Variants in PACRG observed in about 807,000 individuals in gnomAD.
PACRG encodes parkin coregulated gene protein.
A neutral mutation model predicts 29.7 loss-of-function variants in PACRG; 29 were observed. The observed-to-expected ratio is 0.98, with a 90% CI of 0.73 to 1.33. PACRG has a LOEUF of 1.33. PACRG is among the 40% of genes most tolerant of loss of function. The probability of loss-of-function intolerance (pLI) is 0.00; values close to 1 mark genes in which losing one functional copy is unlikely to be tolerated. For synonymous variants in PACRG, 116 were observed against 118.7 expected (o/e 0.98, Z 0.15); for missense variants, 279 against 316.2 (o/e 0.88, Z 0.89).
rs1202989479 is a variant in PACRG at position 162,875,297 on chromosome 6, GCACACACAGACATGCACAGACATT to G, written c.291+61035_291+61058del. Among the ~76,000 whole-genome samples the G allele has an allele frequency of 8.2e-4, 107 of 130,878 alleles. 1 individual carries two copies. The highest frequency in any genetic ancestry group is 3.0e-3 in the African/African-American group (103 of 34,752). The allele number at this position is 130,878 out of a possible 152,430, so 85.9% of individuals were successfully genotyped here. ...TCCACACACATTCACACACACACAT[GCACACACAGACATGCACAGACATT>G]CACACACAGACATGCACACACAGTC... On this transcript the variant is annotated intron_variant, in intron 2 of 4. Coordinates refer to ENST00000366888, the MANE Select transcript of PACRG (RefSeq NM_001080379.2).
intron 4 of PACRG, among the ~76,000 whole-genome samples, chr6:163,176,898 G>A (rs2128350497): frequency 6.6e-6 from 1 of 152,334 alleles, no homozygotes; most frequent in African/African-American, 2.4e-5. Flanking sequence ...ACAAGCCCAG[G>A]AATCTGGGAC....
chr6:162,801,224 T>G (rs546689775), intron 1 of PACRG, among the ~76,000 whole-genome samples: 199 of 152,302 alleles, frequency 1.3e-3, no homozygotes, highest in African/African-American at 4.7e-3. Flanking sequence ...TTCTCCTGCC[T>G]CAGCCTCCCG....
chr6:163,172,180 A>C (rs919807307), intron 4 of PACRG, among the ~76,000 whole-genome samples: 4 of 152,216 alleles, frequency 2.6e-5, no homozygotes, highest in South Asian at 2.1e-4. Context: ...GTATATACTT[A>C]AAACCTGCAA....
intron 4 of PACRG, among the ~76,000 whole-genome samples, chr6:163,196,944 T>TAGAC (rs1780481875): frequency 6.7e-6 from 1 of 149,072 alleles, no homozygotes; most frequent in African/African-American, 2.5e-5. Flanking sequence ...GATAGATAGA[T>TAGAC]AGATAGATAG....
chr6:162,752,040 A>T (rs894865183), intron 1 of PACRG, among the ~76,000 whole-genome samples: 1 of 152,202 alleles, frequency 6.6e-6, no homozygotes, highest in African/African-American at 2.4e-5. Context: ...AAAAACATGA[A>T]GTATGGTAAA....
At chr6:163,294,609 C>A (rs1371492520) in intron 4 of PACRG, among the ~76,000 whole-genome samples, 1 of 152,150 alleles carries the variant, frequency 6.6e-6, no homozygotes, top group East Asian at 1.9e-4. Context: ...AATTTTCTGA[C>A]AGCCATATCC....
chr6:163,113,177 A>G (rs1815804626), intron 4 of PACRG, among the ~76,000 whole-genome samples: 1 of 152,234 alleles, frequency 6.6e-6, no homozygotes, highest in South Asian at 2.1e-4. Flanking sequence ...TAAAGATAAC[A>G]CAATAAATTA....
chr6:163,203,016 T>C (rs1179768520), intron 4 of PACRG, among the ~76,000 whole-genome samples: 2 of 152,128 alleles, frequency 1.3e-5, no homozygotes, highest in African/African-American at 4.8e-5. Flanking sequence ...TTCGGTTGCC[T>C]GCTTGCCACA....
intron 2 of PACRG, among the ~76,000 whole-genome samples, chr6:162,834,267 A>T (rs1040814943): frequency 6.6e-6 from 1 of 152,160 alleles, no homozygotes; most frequent in Non-Finnish European, 1.5e-5. Context: ...GTACTAAAAA[A>T]TTATCACAAC....
intron 2 of PACRG, among the ~76,000 whole-genome samples, chr6:162,930,781 A>G (rs9365507): frequency 0.56 from 84,267 of 151,542 alleles, 24,084 homozygotes; most frequent in South Asian, 0.74. Context: ...CAGTGTGTTG[A>G]AAGTTTTTAT....
chr6:163,103,038 G>A (rs1056130369), intron 4 of PACRG, among the ~76,000 whole-genome samples: 1 of 152,180 alleles, frequency 6.6e-6, no homozygotes, highest in African/African-American at 2.4e-5. Flanking sequence ...TGGAGGGAGA[G>A]TGTATTGGTT....
At chr6:163,084,404 C>T (rs1813351712) in intron 3 of PACRG, among the ~76,000 whole-genome samples, 1 of 152,262 alleles carries the variant, frequency 6.6e-6, no homozygotes, top group Non-Finnish European at 1.5e-5. Flanking sequence ...CATGGTGTAT[C>T]TTAATTCTCT....
chr6:162,897,110 A>G (rs1254046012), intron 2 of PACRG, among the ~76,000 whole-genome samples: 1 of 152,228 alleles, frequency 6.6e-6, no homozygotes, highest in African/African-American at 2.4e-5. Context: ...AGAGTTTAAG[A>G]TTAGTTCCTG....
At position 163,014,590 on chromosome 6, in the gene PACRG, C is replaced by T. The variant is rs940487466; in HGVS notation, c.292-47560C>T. ...GATGGTATCTCGTGGTTTTGATTTG[C>T]ATTTCTCTAATAATTACTGACATGA... On this transcript the variant is annotated intron_variant, in intron 2 of 4. Transcript: ENST00000366888. Among the ~76,000 whole-genome samples the T allele has an allele frequency of 3.3e-5, 5 of 151,918 alleles. No homozygotes were observed. In the East Asian group the frequency reaches 9.7e-4, roughly 29 times the overall value.
At chr6:163,139,605 C>T (rs1415535922) in intron 4 of PACRG, among the ~76,000 whole-genome samples, 1 of 152,176 alleles carries the variant, frequency 6.6e-6, no homozygotes, top group Non-Finnish European at 1.5e-5. Context: ...AGCTTTTAAT[C>T]AATAACTATT....
intron 1 of PACRG, among the ~76,000 whole-genome samples, chr6:162,778,912 G>T (rs1783865495): frequency 6.6e-6 from 1 of 152,140 alleles, no homozygotes; most frequent in Non-Finnish European, 1.5e-5. Flanking sequence ...ACATGCGCAG[G>T]ATGTGCAGGT....
At chr6:162,986,164 A>G (rs1415738824) in intron 2 of PACRG, among the ~76,000 whole-genome samples, 2 of 152,126 alleles carry the variant, frequency 1.3e-5, no homozygotes, top group South Asian at 2.1e-4. Context: ...ATTCAATGCA[A>G]TTTTCATCAA....
At chr6:162,790,550 A>G (rs1004593688) in intron 1 of PACRG, among the ~76,000 whole-genome samples, 7 of 152,168 alleles carry the variant, frequency 4.6e-5, no homozygotes, top group Admixed American at 1.3e-4. Context: ...CATTCCATAC[A>G]TAGTTAATTC....
chr6:163,107,172 G>A lies in PACRG; in HGVS notation c.613+17764G>A, dbSNP rs552296892. ...ACAAGGGCATTTTAGTAGGTAGAGAGATTAAAACCTAAAACCATGAGGGTT... is the reference window on the plus strand; with the variant it reads ...ACAAGGGCATTTTAGTAGGTAGAGAAATTAAAACCTAAAACCATGAGGGTT... On this transcript the variant is annotated intron_variant, in intron 4 of 4. Coordinates refer to ENST00000366888, the MANE Select transcript of PACRG (RefSeq NM_001080379.2). Among the ~76,000 whole-genome samples the A allele has an allele frequency of 3.9e-3, 598 of 152,164 alleles. 5 individuals carry two copies. The highest frequency in any genetic ancestry group is 0.013 in the African/African-American group (552 of 41,512).
Sources: gnomAD v4.1 joint callset for allele counts (sites outside exome capture counted in the v4.1 genomes callset) on GRCh38, gnomAD v4.1.1 for gene constraint, MANE v1.5 for transcripts, NCBI Gene and HGNC (gene_info 2026-07-23, HGNC 2026-07-21) for gene names.